The following TUBGCP2 variants were observed in gnomAD, a reference collection of about 807,000 sequenced individuals.
TUBGCP2 encodes the protein tubulin gamma complex component 2.
A neutral mutation model predicts 92.2 loss-of-function variants in TUBGCP2; 55 were observed. The ratio of observed to expected loss-of-function variants is 0.60; its 90% CI spans 0.48 to 0.75. The LOEUF is 0.75. Among genes scored for constraint, TUBGCP2 ranks in the 30% least tolerant of loss-of-function variants. The pLI, the probability that TUBGCP2 is intolerant of heterozygous loss-of-function variation, is 0.00. For missense variants in TUBGCP2, 1,093 were observed against 1,188.9 expected (o/e 0.92, Z 1.19); for synonymous variants, 533 against 505.2 (o/e 1.06, Z -0.74).
upstream of TUBGCP2, chr10:133,312,223 G>GTGCCGTCTGCGTTTCTAGCGTCACCTT: frequency 7.2e-7 from 1 of 1,383,002 alleles, no homozygotes; most frequent in Non-Finnish European, 9.3e-7. Context: ...AGCGTCACCT[G>GTGCCGTCTGCGTTTCTAGCGTCACCTT]TGCCGTCTGC....
intron 1 of TUBGCP2, among the ~76,000 whole-genome samples, chr10:133,303,696 C>T (rs1345076314): frequency 1.3e-5 from 2 of 152,236 alleles, no homozygotes; most frequent in African/African-American, 2.4e-5. Flanking sequence ...GCCGGCTCTG[C>T]GTTACTTTTT....
At chr10:133,298,261 G>A (rs994361052) in intron 4 of TUBGCP2, 150 bp from the exon 5 acceptor site, 10 of 869,842 alleles carry the variant, frequency 1.1e-5, no homozygotes, top group Non-Finnish European at 1.2e-5. Flanking sequence ...AATGAAATGC[G>A]CCTCGACATC....
At chr10:133,303,508 C>G (rs1847730755) in intron 1 of TUBGCP2, among the ~76,000 whole-genome samples, 1 of 152,212 alleles carries the variant, frequency 6.6e-6, no homozygotes, top group Non-Finnish European at 1.5e-5. Flanking sequence ...GGCTTGGGGA[C>G]AGAGCTTTCT....
chr10:133,312,264 T>C (rs914466729), upstream of TUBGCP2: 17 of 1,283,682 alleles, frequency 1.3e-5, no homozygotes, highest in African/African-American at 1.1e-4. Context: ...CGTCTGCCTT[T>C]CTAGCATGAC....
Position 133,285,168 on chromosome 10 carries a change from G to A in TUBGCP2, c.1941C>T (p.Tyr647=), listed in dbSNP as rs3008334. Residue 647 remains tyrosine (Y), a synonymous_variant, in exon 13 of 18, where the codon TAC becomes TAT. Transcript: ENST00000252936. This position sits in a 1 kb window ranked among gnomAD's most constrained non-coding sequence, Gnocchi z 6.8. Reference sequence around the variant, plus strand: ...AGAGCTGCCGCTCCACGTGCTTGCAGTAGAACATGTGCCTGAAGAGCATCT... The same window carrying A: ...AGAGCTGCCGCTCCACGTGCTTGCAATAGAACATGTGCCTGAAGAGCATCT... ...RYQMLFRHMF[Y]CKHVERQLCS... is the part of the protein sequence containing the mutation. 1,441,403 of 1,613,444 alleles carry A rather than the reference G, an allele frequency of 0.89. 644,440 individuals are homozygous for A. Among genetic ancestry groups the A allele is most frequent in the East Asian group, 0.94 (41,999 of 44,870 alleles).
Position 133,279,653 on chromosome 10 carries a change from C to A in TUBGCP2, c.*113G>T. The A allele has an allele frequency of 7.2e-7, 1 of 1,387,220 alleles. No homozygotes were observed. Among genetic ancestry groups the A allele is most frequent in the Non-Finnish European group, 9.4e-7 (1 of 1,064,766 alleles). The allele number at this position is 1,387,220 out of a possible 1,614,324, so 85.9% of individuals were successfully genotyped here. On this transcript the variant is annotated 3_prime_UTR_variant, in exon 18 of 18. Coordinates refer to ENST00000252936, the MANE Select transcript of TUBGCP2 (RefSeq NM_006659.4). ...AAGTGAGCTGAGTCAATCATTCCTG[C>A]TTTATATTTAAACTGCAAAGACAGA... is the stretch of plus-strand genomic sequence containing the variant.
intron 11 of TUBGCP2, among the ~76,000 whole-genome samples, chr10:133,286,605 C>G (rs1291710947): frequency 6.6e-6 from 1 of 152,124 alleles, no homozygotes; most frequent in Non-Finnish European, 1.5e-5. Context: ...AGGGCACATC[C>G]TCCTCCCGCG....
chr10:133,282,184 G>C, intron 16 of TUBGCP2, 39 bp downstream of exon 16: 1 of 1,610,338 alleles, frequency 6.2e-7, no homozygotes. Context: ...CCAGCCGGGA[G>C]GAAGCGTCTC....
rs1446538337 is a variant in TUBGCP2 at position 133,291,835 on chromosome 10, CATGTCCCTCCGTGTCCCT to C, written c.1214+646_1214+663del. On this transcript the variant is annotated intron_variant, in intron 8 of 17. Transcript: ENST00000252936. ...GTCCCCCATGTCCCTCCGTGTCCCCCATGTCCCTCCGTGTCCCTGTGTCCCGGGGAGCCCTACCTGTAC... is the reference window on the plus strand; with the variant it reads ...GTCCCCCATGTCCCTCCGTGTCCCCCGTGTCCCGGGGAGCCCTACCTGTAC... Among the ~76,000 whole-genome samples, 89 of 10,004 alleles carry C rather than the reference CATGTCCCTCCGTGTCCCT, an allele frequency of 8.9e-3. 4 individuals carry two copies. The highest frequency in any genetic ancestry group is 0.014 in the African/African-American group (39 of 2,716). 6.6% of individuals were successfully genotyped at this position (10,004 alleles called of 152,430 possible).
intron 2 of TUBGCP2, among the ~76,000 whole-genome samples, chr10:133,301,544 C>T (rs1847654750): frequency 6.6e-6 from 1 of 152,090 alleles, no homozygotes; most frequent in South Asian, 2.1e-4. Context: ...CATTGTTAAC[C>T]TGTTTAAATA....
At chr10:133,293,318 A>C in intron 6 of TUBGCP2, 80 bp from the exon 7 acceptor site, 1 of 1,519,616 alleles carries the variant, frequency 6.6e-7, no homozygotes, top group South Asian at 1.2e-5. Flanking sequence ...GTCTCATCCC[A>C]AACAGGAAGC....
intron 8 of TUBGCP2, chr10:133,290,895 C>T (rs1024308426): frequency 1.3e-5 from 2 of 153,016 alleles, no homozygotes; most frequent in Non-Finnish European, 2.9e-5. Flanking sequence ...AATAACATTT[C>T]CACATCACTA....
chr10:133,285,407 G>A lies in TUBGCP2; in HGVS notation c.1895+49C>T, dbSNP rs779396371. 4.0e-5 allele frequency: 64 copies of A among 1,611,414 alleles called. No homozygotes were observed. The highest frequency in any genetic ancestry group is 5.3e-5 in the Non-Finnish European group (62 of 1,179,340). On this transcript the variant is annotated intron_variant, in intron 12 of 17. Transcript: ENST00000252936. This position sits in a 1 kb window ranked among gnomAD's most constrained non-coding sequence, Gnocchi z 6.8. ...ACCGCGTGGCACAGTTCTCGCTTCT[G>A]CCAAACCTGAGTGAAGATCTGGCAG...
chr10:133,288,479 C>T (rs952955001), intron 10 of TUBGCP2, among the ~76,000 whole-genome samples, 170 bp from the exon 11 acceptor site: 3 of 151,698 alleles, frequency 2.0e-5, no homozygotes, highest in Non-Finnish European at 2.9e-5. Flanking sequence ...GGCGTGAGCA[C>T]GTGCCCACCC....
intron 2 of TUBGCP2, among the ~76,000 whole-genome samples, chr10:133,300,907 G>C (rs1847633121): frequency 1.3e-5 from 2 of 150,818 alleles, no homozygotes; most frequent in South Asian, 4.2e-4. Context: ...GTAGCAACTT[G>C]CATTTCCCCC....
rs772745571 is a variant in TUBGCP2, at chr10:133,285,352, G to A, written c.1895+104C>T. On this transcript the variant is annotated intron_variant, in intron 12 of 17. Coordinates refer to ENST00000252936, the MANE Select transcript of TUBGCP2 (RefSeq NM_006659.4). The surrounding 1 kb of genome is among the most constrained non-coding windows in gnomAD (Gnocchi z 6.8). ...CGGACACTGAAGGCCGGGGAGAGCC[G>A]CCTTGGGTCCTCTGTGGGACGAGGT... is the stretch of plus-strand genomic sequence containing the variant. The A allele has an allele frequency of 4.4e-6, 7 of 1,589,346 alleles. No individual in the cohort carries two copies. Among genetic ancestry groups the A allele is most frequent in the Middle Eastern group, 1.7e-4 (1 of 6,044 alleles).
rs367838838 is a variant in TUBGCP2 at position 133,282,313 on chromosome 10, G to T, written c.2319C>A (p.Gly773=). Residue 773 remains glycine, a synonymous_variant, in exon 16 of 18, where the codon GGC becomes GGA. Coordinates refer to ENST00000252936, the MANE Select transcript of TUBGCP2 (RefSeq NM_006659.4). ...GCTCCAGCGTCTGCCCGCCCAGCTC[G>T]CCATCTAATTTCATGCTCTGTGTAA... The part of the protein sequence containing the change: ...QKFTQSMKLD[G]ELGGQTLEHS... 1.2e-6 allele frequency: 2 copies of T among 1,605,370 alleles called. No individual in the cohort carries two copies. Among genetic ancestry groups the T allele is most frequent in the Non-Finnish European group, 1.7e-6 (2 of 1,174,436 alleles).
intron 8 of TUBGCP2, among the ~76,000 whole-genome samples, chr10:133,291,251 CA>C (rs1564938771): frequency 5.9e-5 from 4 of 67,352 alleles, no homozygotes; most frequent in African/African-American, 4.9e-4. Flanking sequence ...CCGTGTCCCC[CA>C]TGTCCCTCCG....
upstream of TUBGCP2, chr10:133,312,002 G>T (rs1848001244): frequency 6.3e-7 from 1 of 1,595,394 alleles, no homozygotes; most frequent in African/African-American, 1.3e-5. Flanking sequence ...AGATATCTCA[G>T]GTCCTGTGAA....
Sources: allele counts gnomAD v4.1 joint callset (sites outside exome capture counted in the v4.1 genomes callset), GRCh38; gene constraint gnomAD v4.1.1; non-coding constraint Gnocchi (gnomAD v3.1); transcripts MANE v1.5; gene names NCBI Gene and HGNC (gene_info 2026-07-23, HGNC 2026-07-21).